The following CEP350 variants were observed in gnomAD, a reference collection of about 807,000 sequenced individuals.
The protein encoded by CEP350 is centrosomal protein 350.
A neutral mutation model predicts 331.8 loss-of-function variants in CEP350; 126 were observed. The ratio of observed to expected loss-of-function variants is 0.38; its 90% CI spans 0.33 to 0.44. The LOEUF (loss-of-function observed/expected upper bound fraction) is 0.44. CEP350 is among the 20% of genes least tolerant of loss of function. CEP350 has a pLI of 1.00. For missense variants in CEP350, 3,406 were observed against 3,634.6 expected, an observed-to-expected ratio of 0.94 and a Z score of 1.62; for synonymous variants, 1,200 against 1,259.5, an observed-to-expected ratio of 0.95 and a Z score of 1.00.
intron 27 of CEP350, among the ~76,000 whole-genome samples, chr1:180,067,298 T>C (rs1440655398): frequency 6.6e-6 from 1 of 152,162 alleles, no homozygotes; most frequent in African/African-American, 2.4e-5. Context: ...GAGCATTCAG[T>C]GACTTTTTGA....
intron 30 of CEP350, among the ~76,000 whole-genome samples, chr1:180,081,518 C>T (rs1227684850): frequency 1.3e-5 from 2 of 152,152 alleles, no homozygotes; most frequent in African/African-American, 4.8e-5. Context: ...TGTATGCAGT[C>T]ATGCATCACT....
In CEP350 at chr1:179,954,847, C is replaced by A. The variant is rs558469094; in HGVS notation, c.-309C>A. 1 of 430,318 alleles carries A rather than the reference C, an allele frequency of 2.3e-6. No individual in the cohort carries two copies. The highest frequency in any genetic ancestry group is 4.1e-6 in the Non-Finnish European group (1 of 245,784). 26.7% of individuals were successfully genotyped at this position (430,318 alleles called of 1,614,324 possible). A position where few individuals can be genotyped will look rare whatever the true frequency, so the allele number is the denominator to read the frequency against. ...GTAATGGCGACTGGGCCGCCCCTGA[C>A]GAAGTGACTCCCGGGCCGGGGAGCG... On this transcript the variant is annotated 5_prime_UTR_variant, in exon 1 of 38. Transcript: ENST00000367607.
intron 12 of CEP350, 143 bp from the exon 13 acceptor site, chr1:180,022,555 A>G (rs1655397545): frequency 6.3e-6 from 4 of 630,650 alleles, no homozygotes; most frequent in Non-Finnish European, 1.1e-5. Context: ...ATCATTGGAT[A>G]TAAAGGTAAA....
chr1:179,996,769 T>TG lies in CEP350; in HGVS notation c.613dup (p.Ala205GlyfsTer6). 1 of 1,613,608 alleles carries TG rather than the reference T, an allele frequency of 6.2e-7. No individual in the cohort carries two copies. Among genetic ancestry groups the TG allele is most frequent in the Non-Finnish European group, 8.5e-7 (1 of 1,179,592 alleles). On this transcript the variant is annotated frameshift_variant, in exon 6 of 38. Transcript: ENST00000367607. LOFTEE classifies it high-confidence loss of function. Reference sequence around the variant, plus strand: ...TTTTAAATGATCGACCAGCAATTGATGCATTGCAAAATTCTGAATGTTTGA... The same window carrying TG: ...TTTTAAATGATCGACCAGCAATTGATGGCATTGCAAAATTCTGAATGTTTGA...
At chr1:180,041,309 T>C (rs1244592990) in intron 18 of CEP350, 61 bp downstream of exon 18, 1 of 1,197,208 alleles carries the variant, frequency 8.4e-7, no homozygotes, top group Non-Finnish European at 1.2e-6. Flanking sequence ...TAGAAATTAC[T>C]TTAGCGTTCT....
chr1:180,056,220 A>G (rs1008214210), intron 25 of CEP350, among the ~76,000 whole-genome samples: 1 of 152,052 alleles, frequency 6.6e-6, no homozygotes, highest in Non-Finnish European at 1.5e-5. Flanking sequence ...TTCTAAAGAT[A>G]TTTTCCATTA....
chr1:179,998,023 A>T (rs1653586986), intron 6 of CEP350, among the ~76,000 whole-genome samples: 1 of 149,726 alleles, frequency 6.7e-6, no homozygotes, highest in Admixed American at 6.6e-5. Flanking sequence ...TTTTTTTTTT[A>T]AAGCCAACTC....
At chr1:179,988,141 A>C (rs1424403582) in intron 3 of CEP350, among the ~76,000 whole-genome samples, 1 of 151,986 alleles carries the variant, frequency 6.6e-6, no homozygotes, top group Admixed American at 6.5e-5. Flanking sequence ...CTACAAAAGT[A>C]CAAAAATTAG....
At chr1:180,043,474 G>C (rs1468184024) in intron 20 of CEP350, among the ~76,000 whole-genome samples, 1 of 152,196 alleles carries the variant, frequency 6.6e-6, no homozygotes, top group Non-Finnish European at 1.5e-5. Context: ...GGTCAGAGAA[G>C]GCTTTCCTGA....
At chr1:180,104,413 A>G (rs12119130) in intron 37 of CEP350, among the ~76,000 whole-genome samples, 12,673 of 152,078 alleles carry the variant, frequency 0.083, 703 homozygotes, top group Non-Finnish European at 0.12. Context: ...ACTATTGGGA[A>G]TTTTGCTTAG....
At chr1:180,028,820 C>T (rs1655836622) in intron 14 of CEP350, among the ~76,000 whole-genome samples, 1 of 151,844 alleles carries the variant, frequency 6.6e-6, no homozygotes, top group African/African-American at 2.4e-5. Flanking sequence ...AAGAAAAAAT[C>T]ATGATTTATT....
chr1:179,968,131 G>A (rs1283059285), intron 1 of CEP350, among the ~76,000 whole-genome samples: 1 of 152,130 alleles, frequency 6.6e-6, no homozygotes, highest in African/African-American at 2.4e-5. Flanking sequence ...AGGAGATCGA[G>A]ACCAGCCTGG....
chr1:180,078,421 A>G (rs1411520094), intron 28 of CEP350, 42 bp from the exon 29 acceptor site: 2 of 1,446,942 alleles, frequency 1.4e-6, no homozygotes, highest in Non-Finnish European at 1.9e-6. Flanking sequence ...CCATTGACCA[A>G]GATTGTATCT....
intron 1 of CEP350, among the ~76,000 whole-genome samples, chr1:179,966,180 A>G (rs1160433418): frequency 7.9e-5 from 12 of 152,190 alleles, no homozygotes; most frequent in Non-Finnish European, 7.3e-5. Flanking sequence ...TTTCTTAACA[A>G]TTAGTTGCTT....
At chr1:179,965,605 T>TTTTTC (rs1370200649) in intron 1 of CEP350, among the ~76,000 whole-genome samples, 30 of 143,320 alleles carry the variant, frequency 2.1e-4, no homozygotes, top group South Asian at 4.4e-4. Context: ...ATCTTTTTTC[T>TTTTTC]TTTTCTTTTC....
chr1:180,003,420 G>C (rs944560291), intron 7 of CEP350, 133 bp downstream of exon 7: 5 of 639,860 alleles, frequency 7.8e-6, no homozygotes, highest in Non-Finnish European at 1.3e-5. Context: ...TGAAGTTGTG[G>C]TGGTTTGAGG....
chr1:180,080,034 G>A (rs974599477), intron 29 of CEP350, among the ~76,000 whole-genome samples: 2 of 152,164 alleles, frequency 1.3e-5, no homozygotes, highest in East Asian at 3.8e-4. Context: ...GGAAGTGATA[G>A]TAGCTAGGAA....
chr1:179,961,617 G>T (rs1446611971), intron 1 of CEP350, among the ~76,000 whole-genome samples: 1 of 151,940 alleles, frequency 6.6e-6, no homozygotes, highest in Non-Finnish European at 1.5e-5. Context: ...TATGATGCTG[G>T]TTGACTCCTA....
chr1:179,969,937 C>A (rs1363278613), intron 1 of CEP350, among the ~76,000 whole-genome samples: 4 of 152,136 alleles, frequency 2.6e-5, no homozygotes, highest in Non-Finnish European at 4.4e-5. Flanking sequence ...AAAAAATAAT[C>A]CTGACTTGCA....
Sources: allele counts gnomAD v4.1 joint callset (sites outside exome capture counted in the v4.1 genomes callset), GRCh38; gene constraint gnomAD v4.1.1; transcripts MANE v1.5; gene names NCBI Gene and HGNC (gene_info 2026-07-23, HGNC 2026-07-21).